GULP1: variants seen among roughly 807,000 people sequenced by gnomAD.
GULP1 encodes PTB domain-containing engulfment adapter protein 1.
In GULP1, 19 loss-of-function variants were observed where a neutral mutation model predicts 40.9. That is an observed-to-expected ratio of 0.46 (90% CI 0.32 to 0.68). GULP1 has a LOEUF of 0.68. GULP1 is among the 30% of genes least tolerant of loss of function. The pLI is 0.03. For missense variants in GULP1, 312 were observed against 362.2 expected (o/e 0.86, Z 1.12); for synonymous variants, 119 against 117.6 (o/e 1.01, Z -0.08).
At chr2:188,474,050 T>C (rs1253677774) in intron 2 of GULP1, among the ~76,000 whole-genome samples, 7 of 152,166 alleles carry the variant, frequency 4.6e-5, no homozygotes, top group Admixed American at 4.6e-4. Flanking sequence ...GATTATCTTC[T>C]GGTGCAAGAT....
At chr2:188,551,458 T>A (rs1218520358) in intron 7 of GULP1, among the ~76,000 whole-genome samples, 1 of 151,810 alleles carries the variant, frequency 6.6e-6, no homozygotes, top group African/African-American at 2.4e-5. Context: ...TCACTTAAGA[T>A]AATGACCTCC....
chr2:188,580,350 G>C (rs893182047), intron 9 of GULP1, among the ~76,000 whole-genome samples: 1 of 151,884 alleles, frequency 6.6e-6, no homozygotes, highest in Non-Finnish European at 1.5e-5. Flanking sequence ...TCAGGAGATC[G>C]AGACCATCCC....
chr2:188,591,620 T>C (rs1703564771), intron 11 of GULP1: 1 of 151,750 alleles, frequency 6.6e-6, no homozygotes, highest in Admixed American at 6.6e-5. Context: ...TGTGGGAATT[T>C]AAAATAATCA....
chr2:188,383,013 C>T (rs1305315834), intron 1 of GULP1, among the ~76,000 whole-genome samples: 3 of 152,100 alleles, frequency 2.0e-5, no homozygotes, highest in Non-Finnish European at 4.4e-5. Context: ...TGACGGGAAG[C>T]AGGGCACAAG....
At chr2:188,582,279 C>A in intron 9 of GULP1, 1 of 437,908 alleles carries the variant, frequency 2.3e-6, no homozygotes, top group Non-Finnish European at 4.8e-6. Flanking sequence ...TTCAAGTATA[C>A]TTTCTCCTTT....
chr2:188,538,342 C>T (rs1689485752), intron 6 of GULP1, among the ~76,000 whole-genome samples: 2 of 151,902 alleles, frequency 1.3e-5, no homozygotes. Flanking sequence ...TTTTTAAGAG[C>T]CCTACTTGAA....
At chr2:188,313,667 T>C (rs977874736) in intron 1 of GULP1, among the ~76,000 whole-genome samples, 1 of 152,184 alleles carries the variant, frequency 6.6e-6, no homozygotes, top group Non-Finnish European at 1.5e-5. Context: ...AATGGTAGTT[T>C]GATGGGAATG....
At chr2:188,552,678 T>C (rs1380594911) in intron 7 of GULP1, among the ~76,000 whole-genome samples, 1 of 151,734 alleles carries the variant, frequency 6.6e-6, no homozygotes, top group Non-Finnish European at 1.5e-5. Context: ...TTGATAGGCA[T>C]TGCATTGAAT....
At chr2:188,486,728 A>G (rs192210076) in intron 4 of GULP1, among the ~76,000 whole-genome samples, 76 of 152,064 alleles carry the variant, frequency 5.0e-4, no homozygotes, top group African/African-American at 1.5e-3. Context: ...GCATTGTTCT[A>G]TGTAGGGTTC....
At chr2:188,500,701 T>C (rs1167570213) in intron 4 of GULP1, among the ~76,000 whole-genome samples, 1 of 151,956 alleles carries the variant, frequency 6.6e-6, no homozygotes, top group Non-Finnish European at 1.5e-5. Flanking sequence ...ATTTTTTGAA[T>C]GTCCATCTAT....
intron 7 of GULP1, among the ~76,000 whole-genome samples, chr2:188,549,156 A>C (rs996987020): frequency 1.1e-5 from 1 of 93,378 alleles, no homozygotes; most frequent in Non-Finnish European, 2.4e-5. Flanking sequence ...TCCATGTCTT[A>C]GGAAAGCATT....
At chr2:188,565,054 A>G (rs565911030) in intron 7 of GULP1, among the ~76,000 whole-genome samples, 15 of 151,968 alleles carry the variant, frequency 9.9e-5, no homozygotes, top group Non-Finnish European at 1.5e-4. Context: ...TTTGAGGTGG[A>G]TCATAGACAT....
At chr2:188,459,054 G>A (rs964732484) in intron 2 of GULP1, among the ~76,000 whole-genome samples, 13 of 152,052 alleles carry the variant, frequency 8.5e-5, no homozygotes, top group Middle Eastern at 3.2e-3. Context: ...ATAGTACTCC[G>A]TTGTGTATAA....
chr2:188,382,007 TATAA>T (rs1252541676), intron 1 of GULP1, among the ~76,000 whole-genome samples: 1 of 152,206 alleles, frequency 6.6e-6, no homozygotes, highest in Non-Finnish European at 1.5e-5. Context: ...AATTATAAAA[TATAA>T]ATATATGGCC....
At chr2:188,316,757 G>A (rs1436481945) in intron 1 of GULP1, among the ~76,000 whole-genome samples, 1 of 151,898 alleles carries the variant, frequency 6.6e-6, no homozygotes, top group African/African-American at 2.4e-5. Flanking sequence ...GTAATAATCT[G>A]GTATTCTTAA....
At chr2:188,547,088 A>G (rs115841662) in intron 7 of GULP1, among the ~76,000 whole-genome samples, 5,901 of 152,010 alleles carry the variant, frequency 0.039, 258 homozygotes, top group African/African-American at 0.1. Flanking sequence ...CCAGGTGTAG[A>G]TGGTTTCACT....
At chr2:188,441,526 G>A (rs1483812527) in intron 2 of GULP1, among the ~76,000 whole-genome samples, 5 of 152,132 alleles carry the variant, frequency 3.3e-5, no homozygotes, top group African/African-American at 1.2e-4. Context: ...TCAGACTTGA[G>A]CCTTCTTACT....
Position 188,569,274 on chromosome 2 carries a change from T to C in GULP1, c.435T>C (p.Phe145=). ...TCACTTTAACAATTGGCCAAGCATT[T>C]GACCTGGCATACAGGAAATTTCTAG... ...EEITLTIGQA[F]DLAYRKFLES... Residue 145 remains phenylalanine (F), a synonymous_variant, in exon 8 of 12, where the codon TTT becomes TTC. Transcript: ENST00000409830. 5 of 1,595,608 alleles carry C rather than the reference T, an allele frequency of 3.1e-6. No individual in the cohort carries two copies. Among genetic ancestry groups the C allele is most frequent in the Non-Finnish European group, 4.3e-6 (5 of 1,163,312 alleles).
chr2:188,584,485 C>A, intron 10 of GULP1, 82 bp downstream of exon 10: 1 of 602,758 alleles, frequency 1.7e-6, no homozygotes, highest in Non-Finnish European at 2.7e-6. Context: ...TGGGAAATTA[C>A]ATATCTTAAC....
Sources: allele counts gnomAD v4.1 joint callset (sites outside exome capture counted in the v4.1 genomes callset), GRCh38; gene constraint gnomAD v4.1.1; transcripts MANE v1.5; gene names NCBI Gene and HGNC (gene_info 2026-07-23, HGNC 2026-07-21).